TIGAR: variants seen among roughly 807,000 people sequenced by gnomAD.
TIGAR encodes TP53 induced glycolysis regulatory phosphatase.
TIGAR carries 7 observed loss-of-function variants against 17.9 expected under a neutral mutation model. The ratio of observed to expected loss-of-function variants is 0.39; its 90% CI spans 0.22 to 0.73. The LOEUF is 0.73. Among genes scored for constraint, TIGAR ranks in the 30% least tolerant of loss-of-function variants. The pLI, the probability that TIGAR is intolerant of heterozygous loss-of-function variation, is 0.42. For synonymous variants in TIGAR, 94 were observed against 108.6 expected (o/e 0.87, Z 0.84); for missense variants, 258 against 327.4 (o/e 0.79, Z 1.64).
At chr12:4,336,773 G>GGGAA (rs1565447673) in intron 2 of TIGAR, among the ~76,000 whole-genome samples, 1 of 152,106 alleles carries the variant, frequency 6.6e-6, no homozygotes, top group Non-Finnish European at 1.5e-5. Context: ...ACATAAAAGA[G>GGGAA]GGAAAAGCTA....
intron 3 of TIGAR, among the ~76,000 whole-genome samples, chr12:4,341,212 A>G (rs529295895): frequency 6.6e-6 from 1 of 152,342 alleles, no homozygotes; most frequent in South Asian, 2.1e-4. Flanking sequence ...TAATAATCCA[A>G]CTAAAAATGG....
intron 4 of TIGAR, among the ~76,000 whole-genome samples, chr12:4,350,727 A>G (rs1864828955): frequency 6.6e-6 from 1 of 151,618 alleles, no homozygotes; most frequent in African/African-American, 2.4e-5. Flanking sequence ...CAGTGAGCTG[A>G]GATCGCGCCA....
chr12:4,324,286 T>C lies in TIGAR; in HGVS notation c.32+2983T>C, dbSNP rs116327687. The C allele has an allele frequency of 4.6e-3, 3,026 of 653,452 alleles. 61 individuals carry two copies. In the African/African-American group the frequency reaches 0.048, roughly 10 times the overall value. 40.5% of individuals were successfully genotyped at this position (653,452 alleles called of 1,614,324 possible). On this transcript the variant is annotated intron_variant, in intron 1 of 5. Coordinates refer to ENST00000179259, the MANE Select transcript of TIGAR (RefSeq NM_020375.3). ...GGTTCCTTGGAATGTTGTAGGTGTT[T>C]GCAGTGAGTCCCCGGCAAAACCATC...
intron 3 of TIGAR, among the ~76,000 whole-genome samples, chr12:4,348,091 GT>G (rs1199505484): frequency 1.3e-5 from 2 of 152,048 alleles, no homozygotes; most frequent in South Asian, 2.1e-4. Flanking sequence ...AATCGTGATT[GT>G]GTCACTTCAC....
chr12:4,342,433 G>T (rs1162419518), intron 3 of TIGAR, among the ~76,000 whole-genome samples: 1 of 152,160 alleles, frequency 6.6e-6, no homozygotes, highest in South Asian at 2.1e-4. Flanking sequence ...ATGCATAATT[G>T]TCAGATTCAC....
chr12:4,348,720 T>C (rs1372269441), intron 3 of TIGAR, among the ~76,000 whole-genome samples: 1 of 152,178 alleles, frequency 6.6e-6, no homozygotes, highest in Non-Finnish European at 1.5e-5. Flanking sequence ...TAAAACAGTA[T>C]GATGATGATG....
chr12:4,351,205 A>T (rs1864834353), intron 4 of TIGAR, 62 bp from the exon 5 acceptor site: 1 of 1,501,834 alleles, frequency 6.7e-7, no homozygotes, highest in African/African-American at 1.4e-5. Flanking sequence ...TGCCATAAAC[A>T]TAAACTTAAT....
intron 3 of TIGAR, among the ~76,000 whole-genome samples, chr12:4,346,095 G>T (rs1417945514): frequency 6.6e-6 from 1 of 152,182 alleles, no homozygotes; most frequent in Non-Finnish European, 1.5e-5. Context: ...TCATTAAAAA[G>T]TCAGGAAACA....
intron 1 of TIGAR, chr12:4,324,685 C>CGCTGGCACGCACTGTACAGCT (rs1864520538): frequency 1.0e-6 from 1 of 974,242 alleles, no homozygotes. Flanking sequence ...CACTTGCGGC[C>CGCTGGCACGCACTGTACAGCT]GCTGGCACGC....
intron 3 of TIGAR, among the ~76,000 whole-genome samples, chr12:4,348,328 C>G (rs562528206): frequency 6.6e-6 from 1 of 152,076 alleles, no homozygotes; most frequent in African/African-American, 2.4e-5. Flanking sequence ...AAGAAGTGTA[C>G]CAAATCCCAA....
Position 4,331,335 on chromosome 12 carries a change from G to A in TIGAR, c.70+18G>A, listed in dbSNP as rs773915250. ...AATCCAAGGTTGGTATAATCCGATT[G>A]TTATTTTAGCTCTCACCCTTGTGTT... is the stretch of plus-strand genomic sequence containing the variant. On this transcript the variant is annotated intron_variant, in intron 2 of 5. Coordinates refer to ENST00000179259, the MANE Select transcript of TIGAR (RefSeq NM_020375.3). 1.2e-6 allele frequency: 2 copies of A among 1,605,544 alleles called. No individual in the cohort carries two copies. The highest frequency in any genetic ancestry group is 1.7e-4 in the Middle Eastern group (1 of 6,054).
At chr12:4,347,690 C>CA (rs1377772068) in intron 3 of TIGAR, among the ~76,000 whole-genome samples, 1 of 151,872 alleles carries the variant, frequency 6.6e-6, no homozygotes, top group East Asian at 1.9e-4. Context: ...TGTATACCCA[C>CA]AAAAATTAAA....
intron 3 of TIGAR, among the ~76,000 whole-genome samples, chr12:4,340,311 A>G (rs766564515): frequency 1.3e-5 from 2 of 152,236 alleles, no homozygotes; most frequent in Non-Finnish European, 2.9e-5. Flanking sequence ...CAGTAGCCAC[A>G]AATAAAATTA....
At chr12:4,325,873 G>T (rs1591658738) in intron 1 of TIGAR, among the ~76,000 whole-genome samples, 1 of 152,234 alleles carries the variant, frequency 6.6e-6, no homozygotes, top group East Asian at 1.9e-4. Context: ...TCAGGTGAGG[G>T]TTTACATTTT....
chr12:4,350,083 A>T (rs1864821827), intron 4 of TIGAR, among the ~76,000 whole-genome samples, 187 bp downstream of exon 4: 1 of 152,232 alleles, frequency 6.6e-6, no homozygotes, highest in Admixed American at 6.5e-5. Context: ...TTAAAATCAA[A>T]CGAGACAAGC....
intron 1 of TIGAR, chr12:4,324,870 A>ATTTT: frequency 8.7e-6 from 4 of 458,460 alleles, no homozygotes. Flanking sequence ...AAGCTTTAAA[A>ATTTT]TTTTTTGGCA....
chr12:4,324,802 C>A, intron 1 of TIGAR: 1 of 612,130 alleles, frequency 1.6e-6, no homozygotes. Flanking sequence ...TTCTGCTCTA[C>A]CTCGGCCATC....
At chr12:4,324,004 T>C (rs192499680) in intron 1 of TIGAR, among the ~76,000 whole-genome samples, 1 of 152,366 alleles carries the variant, frequency 6.6e-6, no homozygotes, top group Non-Finnish European at 1.5e-5. Flanking sequence ...CAAAAAAATC[T>C]TTAAAGCAAT....
At chr12:4,346,378 G>A (rs1187136743) in intron 3 of TIGAR, among the ~76,000 whole-genome samples, 1 of 152,122 alleles carries the variant, frequency 6.6e-6, no homozygotes, top group Non-Finnish European at 1.5e-5. Context: ...ATGATAGACT[G>A]GATTAAGAAA....
Sources: allele counts gnomAD v4.1 joint callset (sites outside exome capture counted in the v4.1 genomes callset), GRCh38; gene constraint gnomAD v4.1.1; transcripts MANE v1.5; gene names NCBI Gene and HGNC (gene_info 2026-07-23, HGNC 2026-07-21).